TRAPPC10: variants seen among roughly 807,000 people sequenced by gnomAD.
The protein encoded by TRAPPC10 is trafficking protein particle complex subunit 10, also known as TRAPP 130 kDa subunit.
A neutral mutation model predicts 125.5 loss-of-function variants in TRAPPC10; 23 were observed. That is an observed-to-expected ratio of 0.18 (90% CI 0.13 to 0.26). The LOEUF (loss-of-function observed/expected upper bound fraction) is 0.26. Among genes scored for constraint, TRAPPC10 ranks in the 10% least tolerant of loss-of-function variants. The pLI is 1.00. For synonymous variants in TRAPPC10, 509 were observed against 518.0 expected, an observed-to-expected ratio of 0.98 and a Z score of 0.24; for missense variants, 1,123 against 1,308.4, an observed-to-expected ratio of 0.86 and a Z score of 2.19.
chr21:44,046,257 T>A (rs975759335), intron 3 of TRAPPC10: 26 of 209,172 alleles, frequency 1.2e-4, no homozygotes, highest in Non-Finnish European at 6.6e-5. Flanking sequence ...AAATTGTGTT[T>A]TTCACAGAGA....
chr21:44,045,888 G>A (rs982553594), intron 3 of TRAPPC10, among the ~76,000 whole-genome samples: 4 of 151,994 alleles, frequency 2.6e-5, no homozygotes, highest in African/African-American at 4.8e-5. Flanking sequence ...GTTTTTAACA[G>A]TTTGATTATG....
intron 5 of TRAPPC10, among the ~76,000 whole-genome samples, chr21:44,058,643 G>A (rs926900386): frequency 3.3e-5 from 5 of 152,234 alleles, no homozygotes; most frequent in African/African-American, 7.2e-5. Context: ...AGTCCTGAAT[G>A]TGTGGTGGTC....
chr21:44,031,786 A>G (rs1388701678), intron 1 of TRAPPC10, among the ~76,000 whole-genome samples: 1 of 152,198 alleles, frequency 6.6e-6, no homozygotes, highest in East Asian at 1.9e-4. Context: ...GAGGTGGAGC[A>G]GGCTCCCTCT....
intron 9 of TRAPPC10, 35 bp downstream of exon 9, chr21:44,075,188 G>A: frequency 6.8e-7 from 1 of 1,462,128 alleles, no homozygotes; most frequent in Non-Finnish European, 9.6e-7. Context: ...GAGTGGTGAG[G>A]TGGACAGTAA....
chr21:44,028,256 C>CTGCATAAA (rs2033249974), intron 1 of TRAPPC10, among the ~76,000 whole-genome samples: 1 of 152,196 alleles, frequency 6.6e-6, no homozygotes, highest in African/African-American at 2.4e-5. Context: ...CCAATTGCAA[C>CTGCATAAA]TGCATAAATA....
intron 4 of TRAPPC10, among the ~76,000 whole-genome samples, chr21:44,054,867 G>C (rs2035461303): frequency 1.3e-5 from 2 of 152,180 alleles, no homozygotes; most frequent in South Asian, 4.1e-4. Context: ...CAGAGCAGTT[G>C]GGATGGTGAT....
chr21:44,021,875 A>G (rs1034769456), intron 1 of TRAPPC10, among the ~76,000 whole-genome samples: 6 of 152,216 alleles, frequency 3.9e-5, no homozygotes, highest in African/African-American at 7.2e-5. Context: ...AGGCCTCACC[A>G]GAAACCTAAT....
intron 20 of TRAPPC10, among the ~76,000 whole-genome samples, chr21:44,095,898 A>G (rs2038902584): frequency 6.7e-6 from 1 of 150,110 alleles, no homozygotes; most frequent in Admixed American, 6.7e-5. Flanking sequence ...TGCTGTATCT[A>G]TTCAATTCTC....
intron 1 of TRAPPC10, among the ~76,000 whole-genome samples, chr21:44,022,276 A>ATTTTTT (rs58767563): frequency 2.4e-5 from 2 of 83,772 alleles, no homozygotes; most frequent in Admixed American, 1.5e-4. Context: ...GCCTGGCTAA[A>ATTTTTT]TTTTTTTTTT....
intron 1 of TRAPPC10, among the ~76,000 whole-genome samples, chr21:44,017,661 C>T (rs558773139): frequency 1.3e-5 from 2 of 151,636 alleles, no homozygotes; most frequent in African/African-American, 2.4e-5. Flanking sequence ...CAGTGTGCTA[C>T]GTGGGGGGCA....
intron 9 of TRAPPC10, among the ~76,000 whole-genome samples, chr21:44,075,769 G>T (rs1174640687): frequency 6.6e-6 from 1 of 152,176 alleles, no homozygotes; most frequent in Non-Finnish European, 1.5e-5. Context: ...AAATAAATTG[G>T]CTGGGCACGG....
chr21:44,028,380 G>A (rs1043471793), intron 1 of TRAPPC10, among the ~76,000 whole-genome samples: 9 of 152,258 alleles, frequency 5.9e-5, no homozygotes, highest in Middle Eastern at 3.4e-3. Flanking sequence ...GGCTCCAGGC[G>A]GCACCCTAGA....
At chr21:44,016,033 C>T (rs1055019313) in intron 1 of TRAPPC10, among the ~76,000 whole-genome samples, 4 of 152,174 alleles carry the variant, frequency 2.6e-5, no homozygotes, top group Non-Finnish European at 5.9e-5. Flanking sequence ...CTTGTAAATA[C>T]TGAAGAGTGT....
intron 2 of TRAPPC10, among the ~76,000 whole-genome samples, chr21:44,036,162 A>G (rs889727795): frequency 2.0e-5 from 3 of 152,216 alleles, no homozygotes; most frequent in Non-Finnish European, 4.4e-5. Context: ...GTCAAGCAGA[A>G]TGAAGAAAAC....
chr21:44,076,559 A>G lies in TRAPPC10; in HGVS notation c.1308A>G (p.Thr436=), dbSNP rs1477008302. 6.2e-7 allele frequency: 1 copy of G among 1,614,062 alleles called. No individual in the cohort carries two copies. The part of the protein sequence containing the change: ...LGAERPETAN[T]AQSPYKKLKE... ...CGTTTCTTTCTGTTTAAGCCAACACAGCTCAGAGTCCTTATAAGAAACTGA... is the reference window on the plus strand; with the variant it reads ...CGTTTCTTTCTGTTTAAGCCAACACGGCTCAGAGTCCTTATAAGAAACTGA... The change falls in exon 10 of 23, where the codon ACA becomes ACG. Residue 436 remains threonine (T), a synonymous_variant. Transcript: ENST00000291574.
In TRAPPC10 at chr21:44,084,215, T is replaced by C. The variant is rs1471677978; in HGVS notation, c.2332T>C (p.Tyr778His). ...VLPHIYPIVQ[Y>H]DVYSQEPQLH... ...CCCTCACATCTACCCCATTGTGCAGTACGACGTGTACTCACAGGAGCCCCA... is the reference window on the plus strand; with the variant it reads ...CCCTCACATCTACCCCATTGTGCAGCACGACGTGTACTCACAGGAGCCCCA... Residue 778 changes from tyrosine to histidine, a missense_variant, in exon 15 of 23, where the codon TAC (tyrosine) becomes CAC (histidine). Physicochemically the swap from Tyr to His is moderately conservative, Grantham distance 83. Coordinates refer to ENST00000291574, the MANE Select transcript of TRAPPC10 (RefSeq NM_003274.5). 1.9e-6 allele frequency: 3 copies of C among 1,614,018 alleles called. No individual in the cohort carries two copies. Among genetic ancestry groups the C allele is most frequent in the Non-Finnish European group, 2.5e-6 (3 of 1,180,004 alleles).
chr21:44,022,922 G>A (rs145892770), intron 1 of TRAPPC10, among the ~76,000 whole-genome samples: 3 of 150,962 alleles, frequency 2.0e-5, no homozygotes, highest in East Asian at 2.0e-4. Flanking sequence ...CAGCAGGTGC[G>A]TGATGTCCGA....
intron 7 of TRAPPC10, among the ~76,000 whole-genome samples, chr21:44,070,876 A>G (rs546863469): frequency 5.9e-5 from 9 of 152,286 alleles, no homozygotes; most frequent in Non-Finnish European, 1.2e-4. Context: ...AGCCTGGCGC[A>G]CTTGGGCCTG....
chr21:44,081,019 T>TC (rs2037689035), intron 13 of TRAPPC10, among the ~76,000 whole-genome samples: 1 of 111,550 alleles, frequency 9.0e-6, no homozygotes, highest in Non-Finnish European at 1.7e-5. Context: ...TTTTTTTTCT[T>TC]TTTTTTTTTT....
Sources: allele counts gnomAD v4.1 joint callset (sites outside exome capture counted in the v4.1 genomes callset), GRCh38; gene constraint gnomAD v4.1.1; transcripts MANE v1.5; gene names NCBI Gene and HGNC (gene_info 2026-07-23, HGNC 2026-07-21).